Variants in MYO1D observed in about 807,000 individuals in gnomAD.
MYO1D encodes the protein unconventional myosin-Id.
In MYO1D, 83 loss-of-function variants were observed where a neutral mutation model predicts 122.0. The ratio of observed to expected loss-of-function variants is 0.68; its 90% confidence interval spans 0.57 to 0.82. MYO1D has a LOEUF of 0.82. Ranked by LOEUF, MYO1D falls within the 40% of genes least tolerant of loss-of-function variation. The pLI is 0.00. For synonymous variants in MYO1D, 464 were observed against 446.9 expected (o/e 1.04, Z -0.48); for missense variants, 1,157 against 1,269.5 (o/e 0.91, Z 1.35).
rs145328048 is a variant in MYO1D at position 32,838,703 on chromosome 17, T to C, written c.95+38075A>G. 3.3e-5 allele frequency among the ~76,000 whole-genome samples: 5 copies of C among 152,240 alleles called. 1 individual carries two copies. The highest frequency in any genetic ancestry group is 6.8e-3 in the Middle Eastern group (2 of 294). On this transcript the variant is annotated intron_variant, in intron 1 of 21. Coordinates refer to ENST00000318217, the MANE Select transcript of MYO1D (RefSeq NM_015194.3). ...CTTCATCGGGGGCAAAGTGTTCAGA[T>C]AGGCATTTTAGAAAGATCACTTTAT...
In MYO1D at chr17:32,766,767, G is replaced by A. The variant is rs573007069; in HGVS notation, c.831+869C>T. Among the ~76,000 whole-genome samples the A allele has an allele frequency of 3.4e-4, 51 of 151,754 alleles. 2 individuals are homozygous for A. In the South Asian group the frequency reaches 0.01, roughly 31 times the overall value. ...AGATTGCACCACTGCACTCCAGCCT[G>A]GGTGACAGAGCGAGATTCCATCTCA... On this transcript the variant is annotated intron_variant, in intron 7 of 21. Coordinates refer to ENST00000318217, the MANE Select transcript of MYO1D (RefSeq NM_015194.3).
intron 16 of MYO1D, among the ~76,000 whole-genome samples, chr17:32,685,163 C>T (rs921980162): frequency 6.6e-6 from 1 of 151,742 alleles, no homozygotes; most frequent in African/African-American, 2.4e-5. Flanking sequence ...TTTCACTGGG[C>T]CTGTGAGAAT....
intron 13 of MYO1D, among the ~76,000 whole-genome samples, chr17:32,739,738 C>G (rs1287609394): frequency 6.6e-6 from 1 of 151,948 alleles, no homozygotes; most frequent in Non-Finnish European, 1.5e-5. Flanking sequence ...CTTTTTTTCC[C>G]TCATATAAAA....
intron 1 of MYO1D, among the ~76,000 whole-genome samples, chr17:32,834,854 A>G (rs968946200): frequency 6.6e-6 from 1 of 152,196 alleles, no homozygotes; most frequent in Admixed American, 6.5e-5. Context: ...TTTACTAAAA[A>G]TACAAAAATT....
At chr17:32,568,337 G>A (rs1175400675) in intron 21 of MYO1D, among the ~76,000 whole-genome samples, 1 of 152,124 alleles carries the variant, frequency 6.6e-6, no homozygotes. Flanking sequence ...CAACATTTAG[G>A]CAAGTCCATG....
At chr17:32,557,203 C>T (rs1243741875) in intron 21 of MYO1D, among the ~76,000 whole-genome samples, 1 of 151,680 alleles carries the variant, frequency 6.6e-6, no homozygotes, top group Non-Finnish European at 1.5e-5. Flanking sequence ...ACTGCAACCT[C>T]TGCCTTCCGG....
At chr17:32,824,436 G>A (rs575873600) in intron 1 of MYO1D, among the ~76,000 whole-genome samples, 1 of 152,262 alleles carries the variant, frequency 6.6e-6, no homozygotes, top group South Asian at 2.1e-4. Context: ...TAGCATAATG[G>A]GTCAGCTATC....
chr17:32,693,688 GGA>G (rs2089135030), intron 16 of MYO1D, among the ~76,000 whole-genome samples: 1 of 152,190 alleles, frequency 6.6e-6, no homozygotes, highest in African/African-American at 2.4e-5. Flanking sequence ...TGCTCTTTCA[GGA>G]GAGCAAATCA....
At chr17:32,834,971 C>T (rs1472923197) in intron 1 of MYO1D, among the ~76,000 whole-genome samples, 2 of 152,186 alleles carry the variant, frequency 1.3e-5, no homozygotes, top group African/African-American at 2.4e-5. Flanking sequence ...CAGATCGCGC[C>T]ACTGCATTCC....
intron 21 of MYO1D, among the ~76,000 whole-genome samples, chr17:32,576,876 C>T (rs1438989993): frequency 3.3e-5 from 5 of 152,174 alleles, no homozygotes; most frequent in South Asian, 2.1e-4. Flanking sequence ...GATGAGGTCT[C>T]GCTTTGTTGC....
In MYO1D at chr17:32,819,206, G is replaced by GT. The variant is rs761386488; in HGVS notation, c.96-38423dup. 1.0e-2 allele frequency among the ~76,000 whole-genome samples: 1,402 copies of GT among 140,364 alleles called. 8 individuals carry two copies. The highest frequency in any genetic ancestry group is 0.017 in the African/African-American group (646 of 38,594). The allele number at this position is 140,364 out of a possible 152,430, so 92.1% of individuals were successfully genotyped here. On this transcript the variant is annotated intron_variant, in intron 1 of 21. Transcript: ENST00000318217. Reference sequence around the variant, plus strand: ...TTCATCATGTAGAAGTTGGTTTCAAGTTTTTTTTTTTTTTTCGGTCTGGAT... The same window carrying GT: ...TTCATCATGTAGAAGTTGGTTTCAAGTTTTTTTTTTTTTTTTCGGTCTGGAT...
intron 1 of MYO1D, among the ~76,000 whole-genome samples, chr17:32,789,713 G>A (rs549712521): frequency 6.6e-6 from 1 of 152,174 alleles, no homozygotes; most frequent in Non-Finnish European, 1.5e-5. Flanking sequence ...GGGAGAGACA[G>A]GGAGAACACT....
chr17:32,664,142 A>T (rs1029617517), intron 16 of MYO1D, among the ~76,000 whole-genome samples: 4 of 152,244 alleles, frequency 2.6e-5, no homozygotes, highest in African/African-American at 9.6e-5. Flanking sequence ...ACTACAGAGG[A>T]AAATGATTTT....
chr17:32,671,777 CAT>C (rs1231216167), intron 16 of MYO1D, among the ~76,000 whole-genome samples: 3 of 152,248 alleles, frequency 2.0e-5, no homozygotes, highest in African/African-American at 7.2e-5. Flanking sequence ...TAAGTTAATT[CAT>C]ATGTTAACCT....
At position 32,721,187 on chromosome 17, in the gene MYO1D, T is replaced by C. The variant is rs1345808533; in HGVS notation, c.1749A>G (p.Glu583=). 21 of 1,611,962 alleles carry C rather than the reference T, an allele frequency of 1.3e-5. No individual in the cohort carries two copies. The highest frequency in any genetic ancestry group is 1.7e-5 in the Non-Finnish European group (20 of 1,178,928). Residue 583 remains glutamate (E), a splice_region_variant and synonymous_variant, in exon 15 of 22, where the codon GAA becomes GAG. Transcript: ENST00000318217. ...GTTTGATGCAACGAACGTAATATGG[T>C]TCCTAAAGAAATAAATCAGCAAATG... ...IALVDNLASK[E]PYYVRCIKPN...
chr17:32,507,745 A>C (rs1469509168), intron 21 of MYO1D, among the ~76,000 whole-genome samples: 1 of 152,218 alleles, frequency 6.6e-6, no homozygotes, highest in African/African-American at 2.4e-5. Flanking sequence ...AGGTTAAATG[A>C]GGTCATAGGA....
intron 16 of MYO1D, among the ~76,000 whole-genome samples, chr17:32,667,925 T>C (rs932703502): frequency 6.6e-6 from 1 of 152,198 alleles, no homozygotes; most frequent in Non-Finnish European, 1.5e-5. Flanking sequence ...TTGAACCTTT[T>C]GGTCAATTAC....
chr17:32,671,303 C>T lies in MYO1D; in HGVS notation c.2122-11965G>A, dbSNP rs1016030514. Among the ~76,000 whole-genome samples the T allele has an allele frequency of 2.6e-5, 4 of 152,312 alleles. No individual in the cohort carries two copies. In the East Asian group the frequency reaches 7.7e-4, roughly 29 times the overall value. ...CGGCCAGCCAGATCCCATACTCGCT[C>T]GCCCACGTGCTCCCTCCTGCCAGGG... is the stretch of plus-strand genomic sequence containing the variant. On this transcript the variant is annotated intron_variant, in intron 16 of 21. Transcript: ENST00000318217.
intron 1 of MYO1D, among the ~76,000 whole-genome samples, chr17:32,853,575 G>C (rs1179645368): frequency 2.6e-5 from 4 of 152,192 alleles, no homozygotes; most frequent in African/African-American, 9.6e-5. Context: ...TTACACTGCT[G>C]TAATTATTTC....
Sources: allele counts gnomAD v4.1 joint callset (sites outside exome capture counted in the v4.1 genomes callset), GRCh38; gene constraint gnomAD v4.1.1; transcripts MANE v1.5; gene names NCBI Gene and HGNC (gene_info 2026-07-23, HGNC 2026-07-21).